METAP2: variants seen among roughly 807,000 people sequenced by gnomAD.
The protein encoded by METAP2 is methionine aminopeptidase 2.
In METAP2, 25 loss-of-function variants were observed where a neutral mutation model predicts 59.4. The ratio of observed to expected loss-of-function variants is 0.42; its 90% CI spans 0.31 to 0.59. The LOEUF (loss-of-function observed/expected upper bound fraction) is 0.59, where lower values mean the gene tolerates loss of function less well. Ranked by LOEUF, METAP2 falls within the 20% of genes least tolerant of loss-of-function variation. The pLI is 0.16. For synonymous variants in METAP2, 214 were observed against 194.1 expected (o/e 1.10, Z -0.85); for missense variants, 366 against 581.2 (o/e 0.63, Z 3.81).
intron 8 of METAP2, among the ~76,000 whole-genome samples, chr12:95,505,604 C>T (rs2076352754): frequency 6.6e-6 from 1 of 152,090 alleles, no homozygotes; most frequent in African/African-American, 2.4e-5. Flanking sequence ...AAGCCATTCT[C>T]CTACCTCAGC....
chr12:95,507,034 C>T (rs954835092), intron 8 of METAP2, among the ~76,000 whole-genome samples: 1 of 152,004 alleles, frequency 6.6e-6, no homozygotes, highest in Admixed American at 6.6e-5. Context: ...TCCTAAAGTG[C>T]TGGGATTACA....
intron 6 of METAP2, 63 bp from the exon 7 acceptor site, chr12:95,495,941 G>A (rs543715964): frequency 1.4e-4 from 133 of 967,116 alleles, no homozygotes; most frequent in Non-Finnish European, 2.8e-5. Flanking sequence ...TAGATTAAAT[G>A]CTGTAAAGTA....
At chr12:95,490,141 A>C (rs2076226610) in intron 4 of METAP2, among the ~76,000 whole-genome samples, 1 of 150,688 alleles carries the variant, frequency 6.6e-6, no homozygotes, top group South Asian at 2.1e-4. Context: ...TCACTCTGTC[A>C]GCCAGGCTGG....
chr12:95,507,923 C>T lies in METAP2; in HGVS notation c.964+3762C>T, dbSNP rs112096682. On this transcript the variant is annotated intron_variant, in intron 8 of 10. Coordinates refer to ENST00000323666, the MANE Select transcript of METAP2 (RefSeq NM_006838.4). ...CCTCCCGAGTAGCTGGGATTACATG[C>T]GCCACCACGCCCAGCAATTTTTTTT... Among the ~76,000 whole-genome samples, 20 of 150,814 alleles carry T rather than the reference C, an allele frequency of 1.3e-4. 1 individual carries two copies. Among genetic ancestry groups the T allele is most frequent in the Admixed American group, 4.0e-4 (6 of 15,132 alleles).
intron 7 of METAP2, among the ~76,000 whole-genome samples, chr12:95,500,528 A>G (rs546377297): frequency 6.6e-6 from 1 of 152,176 alleles, no homozygotes; most frequent in African/African-American, 2.4e-5. Flanking sequence ...TAGGTTTTTC[A>G]TAGATGGCTT....
chr12:95,485,571 C>G (rs992664080), intron 3 of METAP2, among the ~76,000 whole-genome samples: 5 of 152,128 alleles, frequency 3.3e-5, no homozygotes, highest in Non-Finnish European at 5.9e-5. Flanking sequence ...AAGCCAACCT[C>G]TCTATGCTGT....
chr12:95,498,611 G>T (rs2076293015), intron 7 of METAP2, among the ~76,000 whole-genome samples: 1 of 152,064 alleles, frequency 6.6e-6, no homozygotes, highest in Non-Finnish European at 1.5e-5. Context: ...TTTTTATATG[G>T]TGTTAAGTAA....
At chr12:95,497,067 C>T (rs1460026123) in intron 7 of METAP2, among the ~76,000 whole-genome samples, 1 of 152,076 alleles carries the variant, frequency 6.6e-6, no homozygotes, top group Non-Finnish European at 1.5e-5. Context: ...TCAAGTGATC[C>T]TCCCGCCTTG....
Position 95,483,408 on chromosome 12 carries a change from G to A in METAP2, c.325+128G>A, listed in dbSNP as rs898406156. The A allele has an allele frequency of 1.2e-5, 8 of 645,856 alleles. 1 individual carries two copies. The highest frequency in any genetic ancestry group is 1.2e-4 in the Admixed American group (5 of 41,814). The allele number at this position is 645,856 out of a possible 1,614,324, so 40.0% of individuals were successfully genotyped here. On this transcript the variant is annotated intron_variant, in intron 3 of 10. Transcript: ENST00000323666. ...GGAGAATTGCTGGAACCCAAGAGAC[G>A]GAGATTGCAGTAAGCTGAGATTGTG...
intron 2 of METAP2, 126 bp downstream of exon 2, chr12:95,476,304 C>G (rs377564022): frequency 2.0e-6 from 1 of 494,302 alleles, no homozygotes; most frequent in Non-Finnish European, 3.6e-6. Context: ...GTCAGTAGTT[C>G]GAGACCAGCC....
At chr12:95,499,329 A>T (rs141053173) in intron 7 of METAP2, among the ~76,000 whole-genome samples, 108 of 152,058 alleles carry the variant, frequency 7.1e-4, no homozygotes, top group African/African-American at 2.2e-3. Flanking sequence ...TTTTATAGAG[A>T]CAAGTCTCAC....
intron 8 of METAP2, among the ~76,000 whole-genome samples, chr12:95,505,215 T>C (rs1397389180): frequency 1.1e-4 from 16 of 152,238 alleles, no homozygotes; most frequent in African/African-American, 3.9e-4. Flanking sequence ...ATTATGTGTT[T>C]CTACCAAGAG....
At position 95,513,755 on chromosome 12, in the gene METAP2, A is replaced by G; in HGVS notation, c.1288A>G (p.Met430Val). The change falls in exon 11 of 11, where the codon ATG becomes GTG. Residue 430 changes from methionine (M) to valine (V), a missense_variant. Transcript: ENST00000323666. ...LDRLGESKYL[M>V]ALKNLCDLGI... ...TCGCTTGGGAGAAAGTAAATACTTG[A>G]TGGCTCTGAAGAATCTGTGTGACTT... is the stretch of plus-strand genomic sequence containing the variant. 6.2e-7 allele frequency: 1 copy of G among 1,614,220 alleles called. No individual in the cohort carries two copies. The highest frequency in any genetic ancestry group is 8.5e-7 in the Non-Finnish European group (1 of 1,180,038).
chr12:95,513,363 AC>A (rs2076418921), intron 10 of METAP2, among the ~76,000 whole-genome samples: 4 of 152,090 alleles, frequency 2.6e-5, no homozygotes, highest in Admixed American at 2.6e-4. Flanking sequence ...ACATCATAAT[AC>A]CCTGTAGTAG....
intron 4 of METAP2, among the ~76,000 whole-genome samples, chr12:95,492,192 G>T (rs775754880): frequency 1.7e-4 from 26 of 151,274 alleles, no homozygotes; most frequent in Non-Finnish European, 3.5e-4. Context: ...GTGGAGACAG[G>T]GTCCCACTGT....
intron 2 of METAP2, among the ~76,000 whole-genome samples, chr12:95,478,219 T>G: frequency 6.6e-6 from 1 of 152,210 alleles, no homozygotes; most frequent in East Asian, 1.9e-4. Context: ...CTTCAATGTA[T>G]TAAAGAAGAT....
intron 3 of METAP2, among the ~76,000 whole-genome samples, chr12:95,483,683 C>A (rs553164617): frequency 6.6e-6 from 1 of 151,906 alleles, no homozygotes; most frequent in East Asian, 1.9e-4. Flanking sequence ...TAAGGGATGT[C>A]GATATGAATT....
chr12:95,487,175 C>T (rs1165492462), intron 4 of METAP2, among the ~76,000 whole-genome samples: 2 of 152,132 alleles, frequency 1.3e-5, no homozygotes, highest in African/African-American at 4.8e-5. Context: ...TAACCTGTCA[C>T]CCACAATATT....
chr12:95,508,344 C>T (rs1159041451), intron 8 of METAP2, among the ~76,000 whole-genome samples: 1 of 152,106 alleles, frequency 6.6e-6, no homozygotes, highest in East Asian at 1.9e-4. Context: ...GGAGTTGCTG[C>T]TTCTATTAAC....
Sources: allele counts gnomAD v4.1 joint callset (sites outside exome capture counted in the v4.1 genomes callset), GRCh38; gene constraint gnomAD v4.1.1; transcripts MANE v1.5; gene names NCBI Gene and HGNC (gene_info 2026-07-23, HGNC 2026-07-21).